CFAP61: variants seen among roughly 807,000 people sequenced by gnomAD.
CFAP61 encodes the protein cilia- and flagella-associated protein 61.
Under a neutral mutation model 135.6 loss-of-function variants are expected in CFAP61, and 107 were observed. The observed-to-expected ratio is 0.79, with a 90% CI of 0.67 to 0.93. CFAP61 has a LOEUF of 0.93. CFAP61 is among the 40% of genes least tolerant of loss of function. CFAP61 has a pLI of 0.00. For synonymous variants in CFAP61, 575 were observed against 578.5 expected, an observed-to-expected ratio of 0.99 and a Z score of 0.09; for missense variants, 1,507 against 1,556.2, an observed-to-expected ratio of 0.97 and a Z score of 0.53.
chr20:20,351,188 A>C (rs78814927), intron 26 of CFAP61, among the ~76,000 whole-genome samples: 1,985 of 152,310 alleles, frequency 0.013, 39 homozygotes, highest in African/African-American at 0.045. Flanking sequence ...TGATGACATG[A>C]TCTTATACAC....
chr20:20,328,687 G>GA (rs1210570239), intron 25 of CFAP61, among the ~76,000 whole-genome samples: 1 of 152,038 alleles, frequency 6.6e-6, no homozygotes, highest in African/African-American at 2.4e-5. Flanking sequence ...TAACTCAATA[G>GA]AAAAAATAAA....
At chr20:20,211,211 G>A (rs1339700238) in intron 17 of CFAP61, among the ~76,000 whole-genome samples, 1 of 152,220 alleles carries the variant, frequency 6.6e-6, no homozygotes, top group African/African-American at 2.4e-5. Context: ...CTTGGAAAGT[G>A]CAGTACCTGG....
chr20:20,250,860 CAA>C (rs1276906646), intron 19 of CFAP61, among the ~76,000 whole-genome samples: 2 of 152,140 alleles, frequency 1.3e-5, no homozygotes, highest in Non-Finnish European at 2.9e-5. Flanking sequence ...GCTCAAACTC[CAA>C]GAGAGCCCAG....
At chr20:20,170,407 TAA>T (rs11292483) in intron 13 of CFAP61, among the ~76,000 whole-genome samples, 14 of 151,998 alleles carry the variant, frequency 9.2e-5, no homozygotes, top group Non-Finnish European at 2.9e-5. Flanking sequence ...AATGAATCAA[TAA>T]AAAAAATCAC....
intron 19 of CFAP61, among the ~76,000 whole-genome samples, chr20:20,250,221 A>T (rs2050780325): frequency 6.6e-6 from 1 of 152,178 alleles, no homozygotes; most frequent in South Asian, 2.1e-4. Flanking sequence ...AAGAGAGTAA[A>T]CAGGGTTCTG....
In CFAP61 at chr20:20,098,639, G is replaced by A. The variant is rs774910817; in HGVS notation, c.700-16G>A. ...AAAAAAAAAAAAAGAATAATGAGGT[G>A]TTTTGGATATTTCAGGTGGAAGGCA... On this transcript the variant is annotated splice_polypyrimidine_tract_variant and intron_variant, in intron 7 of 26. Transcript: ENST00000245957. 1 of 1,523,756 alleles carries A rather than the reference G, an allele frequency of 6.6e-7. No homozygotes were observed. Among genetic ancestry groups the A allele is most frequent in the Non-Finnish European group, 8.9e-7 (1 of 1,127,922 alleles). 94.4% of individuals were successfully genotyped at this position (1,523,756 alleles called of 1,614,324 possible).
At chr20:20,198,869 A>G (rs2056453750) in intron 16 of CFAP61, among the ~76,000 whole-genome samples, 1 of 152,228 alleles carries the variant, frequency 6.6e-6, no homozygotes, top group African/African-American at 2.4e-5. Flanking sequence ...AAATGCATCT[A>G]CAGTTGTTTT....
At chr20:20,091,374 A>G (rs2047186722) in intron 7 of CFAP61, among the ~76,000 whole-genome samples, 1 of 152,168 alleles carries the variant, frequency 6.6e-6, no homozygotes, top group Admixed American at 6.5e-5. Context: ...TTGTTTTGAC[A>G]TAGTTTCACA....
intron 1 of CFAP61, chr20:20,056,084 G>T: frequency 8.8e-7 from 1 of 1,140,118 alleles, no homozygotes; most frequent in African/African-American, 1.6e-5. Context: ...CTTTATTATG[G>T]AACCTCTCAA....
At chr20:20,054,013 G>GTTTTTTTTTTTTTTTTTTTT (rs1239349657) in intron 1 of CFAP61, among the ~76,000 whole-genome samples, 1 of 59,102 alleles carries the variant, frequency 1.7e-5, no homozygotes, top group Non-Finnish European at 3.5e-5. Context: ...TTTTTTGTTT[G>GTTTTTTTTTTTTTTTTTTTT]TTTTTTTTTT....
intron 18 of CFAP61, among the ~76,000 whole-genome samples, chr20:20,231,469 C>T (rs898607525): frequency 5.9e-5 from 9 of 152,126 alleles, no homozygotes; most frequent in Non-Finnish European, 1.2e-4. Context: ...CCAGCAGAGC[C>T]GAGGAGCCAG....
At chr20:20,247,857 C>T (rs901538459) in intron 19 of CFAP61, among the ~76,000 whole-genome samples, 1 of 152,186 alleles carries the variant, frequency 6.6e-6, no homozygotes, top group Non-Finnish European at 1.5e-5. Flanking sequence ...TGAGGTCTAT[C>T]CTGACCACAC....
intron 24 of CFAP61, 56 bp from the exon 25 acceptor site, chr20:20,298,125 C>T (rs1471417125): frequency 8.0e-7 from 1 of 1,254,996 alleles, no homozygotes; most frequent in Non-Finnish European, 1.2e-6. Context: ...TGATAAAGTT[C>T]CCAAAATCCA....
chr20:20,318,805 G>T, intron 25 of CFAP61, among the ~76,000 whole-genome samples: 1 of 152,214 alleles, frequency 6.6e-6, no homozygotes. Context: ...GGGGTCAGGA[G>T]GGATCCTGGG....
chr20:20,224,515 G>C (rs894703979), intron 17 of CFAP61, among the ~76,000 whole-genome samples: 1 of 152,004 alleles, frequency 6.6e-6, no homozygotes, highest in African/African-American at 2.4e-5. Context: ...GCCTTAAAAG[G>C]TTAGCTTATA....
At chr20:20,357,998 G>A (rs1318402170) in intron 26 of CFAP61, among the ~76,000 whole-genome samples, 3 of 142,232 alleles carry the variant, frequency 2.1e-5, no homozygotes, top group Non-Finnish European at 3.0e-5. Context: ...ATAGTGTGAG[G>A]GGAGGTGGTC....
At chr20:20,106,049 T>TATATATATATAA (rs1728435637) in intron 8 of CFAP61, among the ~76,000 whole-genome samples, 1 of 105,966 alleles carries the variant, frequency 9.4e-6, no homozygotes, top group Non-Finnish European at 1.8e-5. Flanking sequence ...TATATATATA[T>TATATATATATAA]AAAATTTGAT....
intron 21 of CFAP61, among the ~76,000 whole-genome samples, chr20:20,275,141 C>A (rs2053653126): frequency 6.6e-6 from 1 of 152,146 alleles, no homozygotes; most frequent in Non-Finnish European, 1.5e-5. Context: ...CCTGCATTTC[C>A]CCATAGATAG....
chr20:20,148,768 A>G (rs2052130740), intron 9 of CFAP61, among the ~76,000 whole-genome samples: 1 of 152,192 alleles, frequency 6.6e-6, no homozygotes, highest in Non-Finnish European at 1.5e-5. Context: ...CTCTTTTCCA[A>G]TTTGGATGCC....
Sources: allele counts gnomAD v4.1 joint callset (sites outside exome capture counted in the v4.1 genomes callset), GRCh38; gene constraint gnomAD v4.1.1; transcripts MANE v1.5; gene names NCBI Gene and HGNC (gene_info 2026-07-23, HGNC 2026-07-21).